FBXW7: variants seen among roughly 807,000 people sequenced by gnomAD.
FBXW7 encodes F-box and WD repeat domain containing 7, also known as F-box/WD repeat-containing protein 7.
FBXW7 carries 11 observed loss-of-function variants against 86.3 expected under a neutral mutation model. That is an observed-to-expected ratio of 0.13 (90% CI 0.08 to 0.21). The LOEUF is 0.21. FBXW7 is among the 10% of genes least tolerant of loss of function. FBXW7 has a pLI of 1.00. For synonymous variants in FBXW7, 313 were observed against 297.9 expected (o/e 1.05, Z -0.52); for missense variants, 488 against 847.4 (o/e 0.58, Z 5.27).
intron 2 of FBXW7, among the ~76,000 whole-genome samples, chr4:152,503,888 T>G (rs1747175300): frequency 6.6e-6 from 1 of 152,218 alleles, no homozygotes; most frequent in African/African-American, 2.4e-5. Context: ...TGTAAAGAGT[T>G]GAATTGTTCA....
At chr4:152,394,565 T>C (rs1736259893) in intron 4 of FBXW7, among the ~76,000 whole-genome samples, 1 of 152,100 alleles carries the variant, frequency 6.6e-6, no homozygotes. Context: ...GTCAATGGAA[T>C]TGTTTCAACC....
intron 4 of FBXW7, among the ~76,000 whole-genome samples, chr4:152,409,627 C>T (rs183845234): frequency 1.2e-3 from 189 of 152,226 alleles, no homozygotes; most frequent in African/African-American, 4.3e-3. Context: ...AATCAAATAG[C>T]TTTGTATTCT....
At chr4:152,371,793 A>G (rs60364606) in intron 4 of FBXW7, among the ~76,000 whole-genome samples, 1,883 of 152,068 alleles carry the variant, frequency 0.012, 29 homozygotes, top group East Asian at 0.042. Context: ...GGCTATTAGC[A>G]GATGCTTATT....
chr4:152,353,085 G>T, intron 4 of FBXW7: 1 of 789,392 alleles, frequency 1.3e-6, no homozygotes, highest in Non-Finnish European at 1.6e-6. Flanking sequence ...TTTTTGAAGA[G>T]TTTTAAATAG....
Position 152,323,018 on chromosome 4 carries a change from A to G in FBXW7, c.1987T>C (p.Leu663=), listed in dbSNP as rs2126462651. Residue 663 remains leucine, a synonymous_variant, in exon 14 of 14, where the codon TTG becomes CTG. Coordinates refer to ENST00000281708, the MANE Select transcript of FBXW7 (RefSeq NM_001349798.2). ...ACTCCCCCACTCCCCCCACTCTCCA[A>G]TGTGACTAGGTTTCGAATAAATTCA... ...TGEFIRNLVT[L]ESGGSGGVVW... 2 of 1,613,692 alleles carry G rather than the reference A, an allele frequency of 1.2e-6. No homozygotes were observed. Among genetic ancestry groups the G allele is most frequent in the Non-Finnish European group, 1.7e-6 (2 of 1,179,812 alleles).
intron 2 of FBXW7, among the ~76,000 whole-genome samples, chr4:152,422,073 C>T (rs926342311): frequency 2.6e-5 from 4 of 152,078 alleles, no homozygotes; most frequent in African/African-American, 9.6e-5. Flanking sequence ...TGCTCCAACC[C>T]TTCAATTTGT....
At chr4:152,471,901 T>C (rs1018495118) in intron 2 of FBXW7, among the ~76,000 whole-genome samples, 1 of 151,720 alleles carries the variant, frequency 6.6e-6, no homozygotes, top group Admixed American at 6.6e-5. Flanking sequence ...CCCTGTCTCT[T>C]AAAAAATAAA....
In FBXW7 at chr4:152,411,732, G is replaced by A. The variant is rs1233473583; in HGVS notation, c.72C>T (p.Ser24=). The A allele has an allele frequency of 1.9e-6, 3 of 1,613,456 alleles. No homozygotes were observed. Residue 24 remains serine, a synonymous_variant, in exon 4 of 14, where the codon TCC becomes TCT. Transcript: ENST00000281708. Reference sequence around the variant, plus strand: ...TCTGTTCTTCATCTACCTGGCTTGAGGAAGGGTTACCTCTCAGAGAGCCTC... The same window carrying A: ...TCTGTTCTTCATCTACCTGGCTTGAAGAAGGGTTACCTCTCAGAGAGCCTC... ...RTGGSLRGNP[S]SSQVDEEQMN...
At chr4:152,370,695 T>C (rs1159095911) in intron 4 of FBXW7, among the ~76,000 whole-genome samples, 1 of 151,964 alleles carries the variant, frequency 6.6e-6, no homozygotes, top group Admixed American at 6.6e-5. Flanking sequence ...ATGCAAATAA[T>C]GCCAATGTAG....
intron 2 of FBXW7, among the ~76,000 whole-genome samples, chr4:152,466,093 C>A (rs972240090): frequency 2.0e-5 from 3 of 152,174 alleles, no homozygotes; most frequent in African/African-American, 7.2e-5. Context: ...CTCAACCTTA[C>A]ACAGAAAGCT....
At chr4:152,416,175 A>C (rs1238669712) in intron 2 of FBXW7, among the ~76,000 whole-genome samples, 2 of 152,178 alleles carry the variant, frequency 1.3e-5, no homozygotes, top group Non-Finnish European at 2.9e-5. Flanking sequence ...GGCACTCAAA[A>C]CATTTACTGA....
At chr4:152,511,913 G>A (rs1012350340) in intron 2 of FBXW7, among the ~76,000 whole-genome samples, 1 of 152,036 alleles carries the variant, frequency 6.6e-6, no homozygotes, top group Non-Finnish European at 1.5e-5. Flanking sequence ...TTTCAAGCAT[G>A]TAAAAAGGAG....
chr4:152,352,967 G>A (rs1436373851), intron 4 of FBXW7: 5 of 1,365,924 alleles, frequency 3.7e-6, no homozygotes, highest in East Asian at 5.3e-5. Context: ...AGAACACAAC[G>A]CACTGAACAG....
chr4:152,354,314 A>G (rs1404149402), intron 4 of FBXW7, among the ~76,000 whole-genome samples: 1 of 152,108 alleles, frequency 6.6e-6, no homozygotes, highest in East Asian at 1.9e-4. Context: ...AGTTATCTAA[A>G]TAATCTCACT....
rs58250889 is a variant in FBXW7, at chr4:152,456,360, TAAAAAAAAAAAAA to T, written c.-119-43844_-119-43832del. On this transcript the variant is annotated intron_variant, in intron 2 of 13. Transcript: ENST00000281708. ...GGCCCTATCTCTTTAAAAAAATCCT[TAAAAAAAAAAAAA>T]AAAAAAAAAAAAAACAGCCAAGTGT... Among the ~76,000 whole-genome samples the T allele has an allele frequency of 3.5e-3, 255 of 72,154 alleles. 1 individual carries two copies. The highest frequency in any genetic ancestry group is 0.011 in the African/African-American group (229 of 21,126). The allele number at this position is 72,154 out of a possible 152,430, so 47.3% of individuals were successfully genotyped here.
chr4:152,352,393 CTGA>C, intron 4 of FBXW7: 1 of 1,580,788 alleles, frequency 6.3e-7, no homozygotes, highest in Middle Eastern at 1.9e-4. Context: ...GCAGCCATCT[CTGA>C]TGATACAGAT....
intron 4 of FBXW7, among the ~76,000 whole-genome samples, chr4:152,369,808 T>C (rs1382161941): frequency 6.6e-6 from 1 of 151,936 alleles, no homozygotes; most frequent in Non-Finnish European, 1.5e-5. Flanking sequence ...TGTCAGACAA[T>C]AAAAATGCAT....
At chr4:152,479,024 GCAGTAATCTAATAAA>G (rs1178327245) in intron 2 of FBXW7, among the ~76,000 whole-genome samples, 1 of 152,036 alleles carries the variant, frequency 6.6e-6, no homozygotes, top group Non-Finnish European at 1.5e-5. Flanking sequence ...AGGCTTAAAA[GCAGTAATCTAATAAA>G]CGATAAACAA....
chr4:152,471,988 T>C (rs1744009102), intron 2 of FBXW7, among the ~76,000 whole-genome samples: 2 of 152,150 alleles, frequency 1.3e-5, no homozygotes, highest in Non-Finnish European at 2.9e-5. Flanking sequence ...CATGTTCCAC[T>C]AAAGACTCAT....
Sources: gnomAD v4.1 joint callset for allele counts (sites outside exome capture counted in the v4.1 genomes callset) on GRCh38, gnomAD v4.1.1 for gene constraint, MANE v1.5 for transcripts, NCBI Gene and HGNC (gene_info 2026-07-23, HGNC 2026-07-21) for gene names.